The following MDGA2 variants were observed in gnomAD, a reference collection of about 807,000 sequenced individuals.
MDGA2 encodes MAM domain-containing glycosylphosphatidylinositol anchor protein 2.
MDGA2 carries 40 observed loss-of-function variants against 117.8 expected under a neutral mutation model. That is an observed-to-expected ratio of 0.34 (90% CI 0.26 to 0.44). MDGA2 has a LOEUF of 0.44. MDGA2 is among the 20% of genes least tolerant of loss of function. The pLI is 1.00. For synonymous variants in MDGA2, 452 were observed against 439.0 expected (o/e 1.03, Z -0.37); for missense variants, 1,123 against 1,250.6 (o/e 0.90, Z 1.54).
intron 1 of MDGA2, among the ~76,000 whole-genome samples, chr14:47,394,868 T>G (rs1891972911): frequency 6.6e-6 from 1 of 152,154 alleles, no homozygotes; most frequent in Admixed American, 6.6e-5. Flanking sequence ...TAAAACTATG[T>G]CTAGCCAGGT....
intron 2 of MDGA2, among the ~76,000 whole-genome samples, chr14:47,301,062 A>C (rs1036593639): frequency 6.6e-6 from 1 of 152,170 alleles, no homozygotes; most frequent in East Asian, 1.9e-4. Context: ...CCACGTTTTA[A>C]AATAAACTCA....
At chr14:47,608,520 C>T (rs767606408) in intron 1 of MDGA2, among the ~76,000 whole-genome samples, 16 of 151,982 alleles carry the variant, frequency 1.1e-4, no homozygotes, top group Admixed American at 2.0e-4. Context: ...GGTGAATGCA[C>T]GTCCATATAT....
intron 1 of MDGA2, among the ~76,000 whole-genome samples, chr14:47,458,191 T>C (rs889289647): frequency 3.3e-5 from 5 of 152,152 alleles, no homozygotes; most frequent in African/African-American, 1.2e-4. Flanking sequence ...ATGAATTCTT[T>C]ATCAGACATA....
intron 1 of MDGA2, among the ~76,000 whole-genome samples, chr14:47,560,083 T>A (rs989924121): frequency 6.6e-5 from 10 of 151,976 alleles, no homozygotes; most frequent in African/African-American, 2.4e-4. Flanking sequence ...TTTTTTTTTT[T>A]TTTAGACGGA....
intron 1 of MDGA2, among the ~76,000 whole-genome samples, chr14:47,533,242 AC>A (rs1171247753): frequency 1.3e-5 from 2 of 152,196 alleles, no homozygotes; most frequent in Non-Finnish European, 2.9e-5. Context: ...AGAAATAAAC[AC>A]CAGGAAAGAA....
intron 1 of MDGA2, among the ~76,000 whole-genome samples, chr14:47,609,602 C>T (rs1171956947): frequency 6.7e-6 from 1 of 150,154 alleles, no homozygotes; most frequent in Non-Finnish European, 1.5e-5. Flanking sequence ...GGGTAGATAC[C>T]CAGTAGTGGG....
At chr14:47,136,259 C>T (rs527750926) in intron 4 of MDGA2, among the ~76,000 whole-genome samples, 7 of 148,434 alleles carry the variant, frequency 4.7e-5, no homozygotes, top group East Asian at 4.0e-4. Flanking sequence ...AGTGCAGTGG[C>T]GCAACCTCGG....
chr14:46,965,224 A>G (rs1885980996), intron 8 of MDGA2, among the ~76,000 whole-genome samples: 1 of 152,012 alleles, frequency 6.6e-6, no homozygotes, highest in African/African-American at 2.4e-5. Context: ...CGCCCGGCCT[A>G]TATTTACTTT....
At chr14:47,531,427 C>G (rs903023830) in intron 1 of MDGA2, among the ~76,000 whole-genome samples, 1 of 152,174 alleles carries the variant, frequency 6.6e-6, no homozygotes, top group African/African-American at 2.4e-5. Context: ...AAAGACAATA[C>G]TAGCAGCGAC....
intron 1 of MDGA2, among the ~76,000 whole-genome samples, chr14:47,624,611 T>A (rs1440748229): frequency 6.6e-6 from 1 of 152,194 alleles, no homozygotes; most frequent in Non-Finnish European, 1.5e-5. Context: ...TATTCTTATA[T>A]CTAATCAGTT....
intron 1 of MDGA2, among the ~76,000 whole-genome samples, chr14:47,559,121 G>A (rs561382072): frequency 1.3e-5 from 2 of 152,196 alleles, no homozygotes; most frequent in African/African-American, 4.8e-5. Context: ...AAGGGTACAC[G>A]TGCAGATTTA....
At chr14:47,369,113 T>C (rs867156806) in intron 1 of MDGA2, among the ~76,000 whole-genome samples, 17 of 152,232 alleles carry the variant, frequency 1.1e-4, no homozygotes, top group South Asian at 2.1e-4. Flanking sequence ...AGATATCTAT[T>C]TACATACGTA....
chr14:46,928,802 T>C (rs1168884581), intron 9 of MDGA2, among the ~76,000 whole-genome samples: 2 of 152,208 alleles, frequency 1.3e-5, no homozygotes, highest in Admixed American at 6.5e-5. Context: ...TACATCATAG[T>C]ACTTAGCATT....
intron 8 of MDGA2, among the ~76,000 whole-genome samples, chr14:46,980,072 T>C (rs944980603): frequency 1.3e-5 from 2 of 152,178 alleles, no homozygotes; most frequent in Non-Finnish European, 2.9e-5. Flanking sequence ...TAAGTGTAAG[T>C]CAATGCTCAA....
chr14:47,330,180 G>A (rs938105826), intron 1 of MDGA2, among the ~76,000 whole-genome samples: 1 of 151,720 alleles, frequency 6.6e-6, no homozygotes, highest in African/African-American at 2.4e-5. Flanking sequence ...TGAATTACAG[G>A]TCACTTAATA....
rs538032891 is a variant in MDGA2 at position 47,546,587 on chromosome 14, T to C, written c.280+127930A>G. On this transcript the variant is annotated intron_variant, in intron 1 of 16. Coordinates refer to ENST00000399232, the MANE Select transcript of MDGA2 (RefSeq NM_001113498.3). ...TTTGGACCATCAGGAAGTAATTCCA[T>C]ACAAATGTAGAAGTTTTGCTTTGCC... 2.0e-5 allele frequency among the ~76,000 whole-genome samples: 3 copies of C among 152,298 alleles called. No individual in the cohort carries two copies. The South Asian group carries it at 6.2e-4, about 32-fold the overall frequency.
chr14:47,309,136 C>A (rs2139836574), intron 1 of MDGA2, among the ~76,000 whole-genome samples: 1 of 152,186 alleles, frequency 6.6e-6, no homozygotes, highest in Middle Eastern at 3.4e-3. Context: ...TGGTTAAAAT[C>A]TTTCTGTAAT....
chr14:47,058,997 C>CT, intron 7 of MDGA2: 1 of 997,614 alleles, frequency 1.0e-6, no homozygotes, highest in Admixed American at 5.9e-5. Context: ...CTGCTCCTGT[C>CT]TTTGGGAGTG....
At chr14:47,343,229 T>G in intron 1 of MDGA2, 7 of 1,141,630 alleles carry the variant, frequency 6.1e-6, no homozygotes, top group Non-Finnish European at 7.6e-6. Flanking sequence ...GTTTGTTTGT[T>G]TTTTTCAGGA....
Sources: allele counts gnomAD v4.1 joint callset (sites outside exome capture counted in the v4.1 genomes callset), GRCh38; gene constraint gnomAD v4.1.1; transcripts MANE v1.5; gene names NCBI Gene and HGNC (gene_info 2026-07-23, HGNC 2026-07-21).